The following PRRC2B variants were observed in gnomAD, a reference collection of about 807,000 sequenced individuals.
PRRC2B encodes the protein proline rich coiled-coil 2B, also known as protein PRRC2B.
Under a neutral mutation model 242.3 loss-of-function variants are expected in PRRC2B, and 68 were observed. The ratio of observed to expected loss-of-function variants is 0.28; its 90% CI spans 0.23 to 0.34. The LOEUF is 0.34. Ranked by LOEUF, PRRC2B falls within the 10% of genes least tolerant of loss-of-function variation. The pLI is 1.00. For missense variants in PRRC2B, 2,835 were observed against 2,954.8 expected (o/e 0.96, Z 0.94); for synonymous variants, 1,228 against 1,173.6 (o/e 1.05, Z -0.95).
chr9:131,430,520 TAG>T (rs1838114185), intron 2 of PRRC2B, among the ~76,000 whole-genome samples: 2 of 148,700 alleles, frequency 1.3e-5, no homozygotes, highest in Non-Finnish European at 3.0e-5. Flanking sequence ...TATAGATAGA[TAG>T]ATAGATATCT....
chr9:131,444,914 G>A (rs897917440), intron 6 of PRRC2B, among the ~76,000 whole-genome samples: 2 of 152,184 alleles, frequency 1.3e-5, no homozygotes, highest in Non-Finnish European at 2.9e-5. Context: ...GGAGGTTAAG[G>A]TGGTGTTTAG....
intron 13 of PRRC2B, among the ~76,000 whole-genome samples, chr9:131,469,148 A>G (rs1179615363): frequency 1.3e-5 from 2 of 152,078 alleles, no homozygotes; most frequent in Non-Finnish European, 2.9e-5. Flanking sequence ...AGCCTGACCA[A>G]TATGGTGAAA....
At chr9:131,385,102 G>A (rs1395957801) in intron 1 of PRRC2B, among the ~76,000 whole-genome samples, 1 of 151,392 alleles carries the variant, frequency 6.6e-6, no homozygotes, top group African/African-American at 2.4e-5. Context: ...CTGCCTCCTG[G>A]GTTCAAGCGA....
At chr9:131,491,929 G>A (rs1944207061) in intron 29 of PRRC2B, among the ~76,000 whole-genome samples, 1 of 151,928 alleles carries the variant, frequency 6.6e-6, no homozygotes, top group South Asian at 2.1e-4. Flanking sequence ...AGAGGGAAAG[G>A]GCTTGCAGAT....
In PRRC2B at chr9:131,485,086, G is replaced by A. The variant is rs181843413; in HGVS notation, c.5704G>A (p.Val1902Met). The A allele has an allele frequency of 6.2e-6, 10 of 1,604,598 alleles. No homozygotes were observed. The Admixed American group carries it at 1.4e-4, about 22-fold the overall frequency. ...GGTCAACTACAGCTCCTTCGGTGGA[G>A]TGTCCATGCCACCCATGCCTGTGGC... ...SGVNYSSFGGVSMPPMPVASV... is the reference protein window; with the variant it reads ...SGVNYSSFGGMSMPPMPVASV... Residue 1902 changes from valine to methionine, a missense_variant, in exon 25 of 32, where the codon GTG becomes ATG. Physicochemically the swap from Val to Met is conservative, Grantham distance 21. Around this residue, in one of 7 missense-constraint regions of PRRC2B, gnomAD observed 574 missense variants for 626.0 expected, o/e 0.92. Transcript: ENST00000683519.
At chr9:131,484,324 C>T (rs1054455747) in intron 23 of PRRC2B, among the ~76,000 whole-genome samples, 6 of 152,132 alleles carry the variant, frequency 3.9e-5, no homozygotes, top group African/African-American at 1.2e-4. Flanking sequence ...TTTATACTGC[C>T]GGGACATGGC....
At chr9:131,428,032 C>T (rs1175706075) in intron 1 of PRRC2B, among the ~76,000 whole-genome samples, 1 of 152,056 alleles carries the variant, frequency 6.6e-6, no homozygotes, top group African/African-American at 2.4e-5. Flanking sequence ...AGTGATTCTT[C>T]TGCCTCAGCC....
chr9:131,422,963 G>A (rs1396394905), intron 1 of PRRC2B, among the ~76,000 whole-genome samples: 3 of 152,164 alleles, frequency 2.0e-5, no homozygotes, highest in Non-Finnish European at 4.4e-5. Context: ...GAATGCTCTA[G>A]CTCCCCGTGG....
intron 3 of PRRC2B, 33 bp from the exon 4 acceptor site, chr9:131,436,587 G>A (rs1429672927): frequency 5.7e-6 from 9 of 1,576,208 alleles, no homozygotes; most frequent in Non-Finnish European, 7.8e-6. Flanking sequence ...CACTCTGTGC[G>A]GTGCCTGACC....
At chr9:131,411,310 C>G (rs1564276336) in intron 1 of PRRC2B, among the ~76,000 whole-genome samples, 1 of 149,370 alleles carries the variant, frequency 6.7e-6, no homozygotes, top group African/African-American at 2.5e-5. Context: ...GTGCTATTTT[C>G]TTTTTTTTGT....
chr9:131,443,142 T>A (rs112421769), intron 5 of PRRC2B, among the ~76,000 whole-genome samples: 14,772 of 149,628 alleles, frequency 0.099, 857 homozygotes, highest in Non-Finnish European at 0.13. Context: ...TTTTATTATT[T>A]TTTTTTTTTG....
At position 131,444,070 on chromosome 9, in the gene PRRC2B, G is replaced by T. The variant is rs564905431; in HGVS notation, c.470-115G>T. The T allele has an allele frequency of 3.3e-6, 4 of 1,194,062 alleles. No homozygotes were observed. In the South Asian group the frequency reaches 5.7e-5, roughly 17 times the overall value. 74.0% of individuals were successfully genotyped at this position (1,194,062 alleles called of 1,614,324 possible). ...CCAGCACAGAGCACCCTTGTGACAAGACTCCCTTCAAAAGCCCACTTCCAG... is the reference window on the plus strand; with the variant it reads ...CCAGCACAGAGCACCCTTGTGACAATACTCCCTTCAAAAGCCCACTTCCAG... On this transcript the variant is annotated intron_variant, in intron 5 of 31. Transcript: ENST00000683519.
At chr9:131,392,674 A>G, upstream of PRRC2B, among the ~76,000 whole-genome samples, 1 of 152,166 alleles carries the variant, frequency 6.6e-6, no homozygotes, top group East Asian at 1.9e-4. Context: ...ACACTTTGGG[A>G]GGCCAAGGTA....
intron 12 of PRRC2B, among the ~76,000 whole-genome samples, chr9:131,466,485 CCT>C (rs1435330717): frequency 1.3e-5 from 2 of 152,182 alleles, no homozygotes; most frequent in Non-Finnish European, 2.9e-5. Flanking sequence ...TTGTTTTTTT[CCT>C]CTTTTAAAAA....
In PRRC2B at chr9:131,475,891, C is replaced by A. The variant is rs574421477; in HGVS notation, c.3762C>A (p.Asp1254Glu). 1 of 1,613,944 alleles carries A rather than the reference C, an allele frequency of 6.2e-7. No individual in the cohort carries two copies. The highest frequency in any genetic ancestry group is 2.2e-5 in the East Asian group (1 of 44,866). Residue 1254 changes from aspartate (D) to glutamate (E), a missense_variant, in exon 16 of 32, where the codon GAC becomes GAA. This residue lies in a region of PRRC2B where 1,536 missense variants were observed against 1,483.1 expected (regional missense o/e 1.04). Transcript: ENST00000683519. ...TCGSRRPTDR[D>E]YVPDSYRHPD... ...GATCCCGGCGACCTACAGACAGAGA[C>A]TATGTCCCAGATTCCTACAGACACC...
chr9:131,468,988 A>T (rs370891599), intron 13 of PRRC2B, among the ~76,000 whole-genome samples: 1 of 152,146 alleles, frequency 6.6e-6, no homozygotes, highest in Non-Finnish European at 1.5e-5. Context: ...AGCAGCGACA[A>T]TTGCTCTAGG....
intron 1 of PRRC2B, among the ~76,000 whole-genome samples, chr9:131,374,999 G>A (rs999660322): frequency 1.3e-5 from 2 of 152,208 alleles, no homozygotes; most frequent in African/African-American, 4.8e-5. Flanking sequence ...GGCAATTAAT[G>A]TGTAGGTAGA....
intron 1 of PRRC2B, among the ~76,000 whole-genome samples, chr9:131,421,549 T>A (rs1837841161): frequency 6.6e-6 from 1 of 152,230 alleles, no homozygotes; most frequent in Non-Finnish European, 1.5e-5. Flanking sequence ...AGCAGTGGGA[T>A]CTTTCCGTTC....
In PRRC2B at chr9:131,446,977, C is replaced by G; in HGVS notation, c.856-108C>G. ...ATTAATTAGGAAACCCCATGACTTT[C>G]CTGTTTCTTTTTCCCATTTTCCACT... On this transcript the variant is annotated intron_variant, in intron 7 of 31. Coordinates refer to ENST00000683519, the MANE Select transcript of PRRC2B (RefSeq NM_013318.4). This position sits in a 1 kb window ranked among gnomAD's most constrained non-coding sequence, Gnocchi z 4.1. 1 of 1,419,596 alleles carries G rather than the reference C, an allele frequency of 7.0e-7. No homozygotes were observed. Among genetic ancestry groups the G allele is most frequent in the Non-Finnish European group, 9.7e-7 (1 of 1,029,934 alleles). The allele number at this position is 1,419,596 out of a possible 1,614,324, so 87.9% of individuals were successfully genotyped here.
Sources: gnomAD v4.1 joint callset for allele counts (sites outside exome capture counted in the v4.1 genomes callset) on GRCh38, gnomAD v4.1.1 for gene constraint, gnomAD v4.1.1 regional missense constraint, Gnocchi (gnomAD v3.1) non-coding constraint, MANE v1.5 for transcripts, NCBI Gene and HGNC (gene_info 2026-07-23, HGNC 2026-07-21) for gene names.